Variants in TC2N observed in about 807,000 individuals in gnomAD.
TC2N encodes the protein tandem C2 domains nuclear protein.
A neutral mutation model predicts 61.9 loss-of-function variants in TC2N; 51 were observed. The observed-to-expected ratio is 0.82, with a 90% CI of 0.66 to 1.04. The LOEUF is 1.04. Ranked by LOEUF, TC2N falls within the 50% of genes least tolerant of loss-of-function variation. TC2N has a pLI of 0.00. For synonymous variants in TC2N, 204 were observed against 192.6 expected (o/e 1.06, Z -0.49); for missense variants, 556 against 566.7 (o/e 0.98, Z 0.19).
chr14:91,810,519 A>T (rs1208183775), intron 3 of TC2N, among the ~76,000 whole-genome samples: 1 of 152,142 alleles, frequency 6.6e-6, no homozygotes, highest in Non-Finnish European at 1.5e-5. Flanking sequence ...TACAACCCCA[A>T]ATTACTCCAT....
At chr14:91,823,659 A>C (rs1292173484) in intron 1 of TC2N, among the ~76,000 whole-genome samples, 1 of 152,012 alleles carries the variant, frequency 6.6e-6, no homozygotes, top group Non-Finnish European at 1.5e-5. Context: ...CTAATACACC[A>C]CATTGCTTTA....
chr14:91,866,852 A>C (rs532019245), intron 1 of TC2N, among the ~76,000 whole-genome samples: 3 of 152,232 alleles, frequency 2.0e-5, no homozygotes, highest in Non-Finnish European at 2.9e-5. Flanking sequence ...GGGTAGGTAA[A>C]GCAAGTAGCA....
intron 1 of TC2N, among the ~76,000 whole-genome samples, chr14:91,842,989 C>T (rs1888193685): frequency 6.6e-6 from 1 of 152,102 alleles, no homozygotes; most frequent in African/African-American, 2.4e-5. Context: ...ACATGATTTG[C>T]TTTGGTCAAC....
At chr14:91,834,383 G>A (rs1404024681) in intron 1 of TC2N, among the ~76,000 whole-genome samples, 1 of 152,176 alleles carries the variant, frequency 6.6e-6, no homozygotes, top group East Asian at 1.9e-4. Context: ...ACAATGTTAT[G>A]AAATGATGCA....
intron 1 of TC2N, among the ~76,000 whole-genome samples, chr14:91,839,711 T>A (rs1237482280): frequency 2.0e-5 from 3 of 152,338 alleles, no homozygotes; most frequent in Non-Finnish European, 4.4e-5. Context: ...TCTCTCAAAA[T>A]TATTTCCTTC....
chr14:91,785,354 GA>G lies in TC2N; in HGVS notation c.1169del (p.Phe390SerfsTer2). The G allele has an allele frequency of 6.2e-7, 1 of 1,609,780 alleles. No individual in the cohort carries two copies. The highest frequency in any genetic ancestry group is 8.5e-7 in the Non-Finnish European group (1 of 1,178,382). ...CCGAGCTAAACATTCCCACCTTCAC[GA>G]AAAAACCTAAAAAATTAGAAATATT... ...SSSTPLTLSF[F>X]VKVGMFSSGE... is the part of the protein sequence containing the mutation. On this transcript the variant is annotated frameshift_variant, in exon 11 of 12. Coordinates refer to ENST00000435962, the MANE Select transcript of TC2N (RefSeq NM_001128596.3). LOFTEE classifies it high-confidence loss of function.
intron 1 of TC2N, among the ~76,000 whole-genome samples, chr14:91,849,526 C>T (rs1237562855): frequency 2.0e-5 from 3 of 152,292 alleles, no homozygotes; most frequent in South Asian, 4.1e-4. Context: ...AGTACTAGTA[C>T]ACAAATCACA....
At chr14:91,867,212 A>G (rs1229413553) in intron 1 of TC2N, 50 bp downstream of exon 1, 1 of 152,188 alleles carries the variant, frequency 6.6e-6, no homozygotes, top group Non-Finnish European at 1.5e-5. Flanking sequence ...TCAAATCATC[A>G]AGACAGAAAG....
intron 11 of TC2N, among the ~76,000 whole-genome samples, chr14:91,784,253 G>A (rs1378198333): frequency 6.6e-6 from 1 of 152,004 alleles, no homozygotes; most frequent in Non-Finnish European, 1.5e-5. Flanking sequence ...GATGATATAC[G>A]AAAACTTTAA....
chr14:91,825,632 ACC>A (rs1887461673), intron 1 of TC2N, among the ~76,000 whole-genome samples: 1 of 152,164 alleles, frequency 6.6e-6, no homozygotes, highest in Non-Finnish European at 1.5e-5. Context: ...CTAGAAACAC[ACC>A]ATTCTCTTTT....
chr14:91,798,108 C>T (rs1886002509), intron 7 of TC2N, among the ~76,000 whole-genome samples, 191 bp downstream of exon 7: 1 of 151,928 alleles, frequency 6.6e-6, no homozygotes, highest in African/African-American at 2.4e-5. Flanking sequence ...TAAAAACACA[C>T]ATACTTCCAT....
chr14:91,858,424 T>C (rs988684893), intron 1 of TC2N, among the ~76,000 whole-genome samples: 3 of 152,038 alleles, frequency 2.0e-5, no homozygotes, highest in African/African-American at 7.2e-5. Context: ...GCAGAGAGAA[T>C]TGGACAAAGA....
chr14:91,806,795 A>G (rs1886527862), intron 3 of TC2N, among the ~76,000 whole-genome samples: 1 of 152,234 alleles, frequency 6.6e-6, no homozygotes, highest in Non-Finnish European at 1.5e-5. Flanking sequence ...AGAAATTTGC[A>G]TAGGTGACAA....
intron 3 of TC2N, among the ~76,000 whole-genome samples, chr14:91,810,073 A>G (rs1164285259): frequency 6.6e-6 from 1 of 152,210 alleles, no homozygotes; most frequent in Non-Finnish European, 1.5e-5. Context: ...TCAGGGACTC[A>G]GGAAGCTTAC....
intron 1 of TC2N, among the ~76,000 whole-genome samples, chr14:91,817,666 A>C (rs1887065359): frequency 6.6e-6 from 1 of 152,108 alleles, no homozygotes; most frequent in Admixed American, 6.6e-5. Flanking sequence ...CTCTGACCCC[A>C]ATCAGTTTGC....
chr14:91,799,464 GAACTTGGT>G (rs1666932584), intron 5 of TC2N, among the ~76,000 whole-genome samples: 1 of 151,974 alleles, frequency 6.6e-6, no homozygotes, highest in South Asian at 2.1e-4. Flanking sequence ...GTATCATTTG[GAACTTGGT>G]AGCAATACAA....
rs34245812 is a variant in TC2N, at chr14:91,850,049, CAAAAA to C, written c.-57+17208_-57+17212del. ...GGGCAACAAGAGTGAAACTCCATCT[CAAAAA>C]AAAAAAAAAAAAGATTGGGTTTAAA... On this transcript the variant is annotated intron_variant, in intron 1 of 11. Transcript: ENST00000435962. Among the ~76,000 whole-genome samples, 811 of 118,176 alleles carry C rather than the reference CAAAAA, an allele frequency of 6.9e-3. 11 individuals carry two copies. The highest frequency in any genetic ancestry group is 0.023 in the African/African-American group (762 of 33,344). 77.5% of individuals were successfully genotyped at this position (118,176 alleles called of 152,430 possible).
At chr14:91,785,003 A>G (rs1453911234) in intron 11 of TC2N, among the ~76,000 whole-genome samples, 159 bp downstream of exon 11, 3 of 152,184 alleles carry the variant, frequency 2.0e-5, no homozygotes, top group African/African-American at 7.2e-5. Context: ...ATTAAAGCAA[A>G]AAGTCTGACA....
At chr14:91,786,633 C>A (rs1195666410) in intron 10 of TC2N, among the ~76,000 whole-genome samples, 1 of 152,100 alleles carries the variant, frequency 6.6e-6, no homozygotes, top group Admixed American at 6.5e-5. Flanking sequence ...TACATAGATA[C>A]CCAAATAAAT....
Sources: gnomAD v4.1 joint callset for allele counts (sites outside exome capture counted in the v4.1 genomes callset) on GRCh38, gnomAD v4.1.1 for gene constraint, MANE v1.5 for transcripts, NCBI Gene and HGNC (gene_info 2026-07-23, HGNC 2026-07-21) for gene names.